Variants in FRMD4A observed in about 807,000 individuals in gnomAD.
FRMD4A encodes FERM domain-containing protein 4A.
In FRMD4A, 29 loss-of-function variants were observed where a neutral mutation model predicts 129.1. The observed-to-expected ratio is 0.22, with a 90% CI of 0.17 to 0.31. The LOEUF is 0.31. Ranked by LOEUF, FRMD4A falls within the 10% of genes least tolerant of loss-of-function variation. The pLI is 1.00. For synonymous variants in FRMD4A, 634 were observed against 571.6 expected (o/e 1.11, Z -1.56); for missense variants, 1,272 against 1,375.8 (o/e 0.92, Z 1.19).
intron 3 of FRMD4A, among the ~76,000 whole-genome samples, chr10:13,830,605 C>T (rs977207839): frequency 1.1e-4 from 17 of 152,286 alleles, no homozygotes; most frequent in East Asian, 5.8e-4. Flanking sequence ...CAGCACAAGG[C>T]GACACGTTAA....
intron 20 of FRMD4A, 113 bp downstream of exon 20, chr10:13,660,203 A>T: frequency 1.4e-6 from 1 of 702,258 alleles, no homozygotes; most frequent in South Asian, 1.8e-5. Flanking sequence ...CCCCACGGGG[A>T]GGAACTAGGT....
At chr10:14,079,782 T>C (rs1361886490) in intron 2 of FRMD4A, among the ~76,000 whole-genome samples, 2 of 152,160 alleles carry the variant, frequency 1.3e-5, no homozygotes, top group Non-Finnish European at 2.9e-5. Context: ...CTTTTTCACA[T>C]TTGCTGCTGA....
chr10:13,895,623 G>C (rs76565291), intron 2 of FRMD4A, among the ~76,000 whole-genome samples: 1 of 152,132 alleles, frequency 6.6e-6, no homozygotes. Flanking sequence ...GAAATAGGTC[G>C]TGATGACTAA....
rs1564432967 is a variant in FRMD4A, at chr10:14,274,573, C to T, written c.45+55485G>A. Among the ~76,000 whole-genome samples, 6 of 152,268 alleles carry T rather than the reference C, an allele frequency of 3.9e-5. No individual in the cohort carries two copies. The South Asian group carries it at 1.2e-3, about 32-fold the overall frequency. On this transcript the variant is annotated intron_variant, in intron 2 of 24. Coordinates refer to ENST00000357447, the MANE Select transcript of FRMD4A (RefSeq NM_018027.5). ...TAGAGCTGCCGCCCCAGTGTGGCTG[C>T]AGACAAAGATTCTCACTGAACCAGG...
intron 12 of FRMD4A, among the ~76,000 whole-genome samples, chr10:13,733,375 G>A (rs567636515): frequency 2.6e-5 from 4 of 152,336 alleles, no homozygotes; most frequent in African/African-American, 4.8e-5. Flanking sequence ...AGCGGGGTGG[G>A]GGGGTACCCC....
At chr10:14,210,675 C>T (rs772734902) in intron 2 of FRMD4A, among the ~76,000 whole-genome samples, 5 of 152,108 alleles carry the variant, frequency 3.3e-5, no homozygotes, top group Admixed American at 1.3e-4. Flanking sequence ...CTCCAATAGC[C>T]GCACTGTATC....
At chr10:13,864,851 AC>A (rs1304372329) in intron 2 of FRMD4A, among the ~76,000 whole-genome samples, 1 of 152,176 alleles carries the variant, frequency 6.6e-6, no homozygotes, top group Non-Finnish European at 1.5e-5. Flanking sequence ...TGATGCAATT[AC>A]AGGTGTGAGC....
At chr10:14,208,530 A>G (rs1008892664) in intron 2 of FRMD4A, among the ~76,000 whole-genome samples, 1 of 151,978 alleles carries the variant, frequency 6.6e-6, no homozygotes, top group African/African-American at 2.4e-5. Context: ...TGCCTTGGGG[A>G]AGGAGGAGGG....
At chr10:14,106,865 C>T (rs1388293028) in intron 2 of FRMD4A, among the ~76,000 whole-genome samples, 1 of 57,860 alleles carries the variant, frequency 1.7e-5, no homozygotes, top group African/African-American at 6.5e-5. Context: ...TGGATATATA[C>T]CCAAAATCAT....
At chr10:13,855,390 T>C (rs1166359950) in intron 3 of FRMD4A, among the ~76,000 whole-genome samples, 1 of 152,146 alleles carries the variant, frequency 6.6e-6, no homozygotes. Context: ...ATCCTCATAG[T>C]GGGTAAAAAC....
intron 2 of FRMD4A, among the ~76,000 whole-genome samples, chr10:14,110,078 G>A (rs1489229762): frequency 7.9e-6 from 1 of 126,824 alleles, no homozygotes; most frequent in Non-Finnish European, 1.6e-5. Flanking sequence ...GCAGTGAGCT[G>A]AGATTGCGCC....
At chr10:13,695,133 G>A (rs2086092583) in intron 14 of FRMD4A, among the ~76,000 whole-genome samples, 1 of 149,566 alleles carries the variant, frequency 6.7e-6, no homozygotes, top group Non-Finnish European at 1.5e-5. Context: ...AAAAGCAGCG[G>A]TTTTTCAAAA....
chr10:13,666,070 G>T, intron 18 of FRMD4A, 27 bp downstream of exon 18: 1 of 1,419,204 alleles, frequency 7.0e-7, no homozygotes, highest in Non-Finnish European at 1.0e-6. Flanking sequence ...GTGGGAGTGG[G>T]GTGGGGGCAG....
intron 9 of FRMD4A, among the ~76,000 whole-genome samples, chr10:13,742,603 A>G (rs914371211): frequency 1.4e-4 from 21 of 152,170 alleles, no homozygotes; most frequent in Non-Finnish European, 2.6e-4. Flanking sequence ...TGCAACCTCC[A>G]TCTCCCAAGT....
chr10:13,749,016 A>G (rs1363489566), intron 8 of FRMD4A, among the ~76,000 whole-genome samples: 1 of 151,788 alleles, frequency 6.6e-6, no homozygotes, highest in Non-Finnish European at 1.5e-5. Context: ...CAGGTGACTG[A>G]CTCCTCCTTA....
chr10:13,952,218 C>T (rs556191896), intron 2 of FRMD4A, among the ~76,000 whole-genome samples: 12 of 151,654 alleles, frequency 7.9e-5, no homozygotes, highest in African/African-American at 2.9e-4. Flanking sequence ...GAGTGGCTGC[C>T]TGGGCGTGGT....
intron 2 of FRMD4A, among the ~76,000 whole-genome samples, chr10:14,147,641 G>A (rs1028511988): frequency 6.6e-6 from 1 of 152,060 alleles, no homozygotes; most frequent in African/African-American, 2.4e-5. Flanking sequence ...TCCCTGGCAT[G>A]TGCAGTTCAC....
At chr10:13,969,624 G>A (rs2095505833) in intron 2 of FRMD4A, among the ~76,000 whole-genome samples, 1 of 152,208 alleles carries the variant, frequency 6.6e-6, no homozygotes, top group Non-Finnish European at 1.5e-5. Context: ...GCCGAGGCAG[G>A]AGGATCACTT....
chr10:14,275,586 G>A (rs570299805), intron 2 of FRMD4A, among the ~76,000 whole-genome samples: 50 of 152,306 alleles, frequency 3.3e-4, no homozygotes, highest in Non-Finnish European at 6.9e-4. Context: ...CTTTCAGATG[G>A]CATTTCTTAA....
Sources: allele counts gnomAD v4.1 joint callset (sites outside exome capture counted in the v4.1 genomes callset), GRCh38; gene constraint gnomAD v4.1.1; transcripts MANE v1.5; gene names NCBI Gene and HGNC (gene_info 2026-07-23, HGNC 2026-07-21).